UBE2D2: variants seen among roughly 807,000 people sequenced by gnomAD.
The protein encoded by UBE2D2 is ubiquitin conjugating enzyme E2 D2.
UBE2D2 carries 2 observed loss-of-function variants against 24.2 expected under a neutral mutation model. That is an observed-to-expected ratio of 0.08 (90% CI 0.03 to 0.26). The LOEUF (loss-of-function observed/expected upper bound fraction) is 0.26, where lower values mean the gene tolerates loss of function less well. Ranked by LOEUF, UBE2D2 falls within the 10% of genes least tolerant of loss-of-function variation. The pLI, the probability that UBE2D2 is intolerant of heterozygous loss-of-function variation, is 1.00. For missense variants in UBE2D2, 44 were observed against 177.6 expected, an observed-to-expected ratio of 0.25 and a Z score of 4.28; for synonymous variants, 58 against 56.5, an observed-to-expected ratio of 1.03 and a Z score of -0.12.
chr5:139,592,089 C>CT, intron 1 of UBE2D2, among the ~76,000 whole-genome samples: 1 of 152,206 alleles, frequency 6.6e-6, no homozygotes, highest in Middle Eastern at 3.4e-3. Flanking sequence ...GTAATCCCAG[C>CT]TACTCGGGAG....
intron 1 of UBE2D2, among the ~76,000 whole-genome samples, chr5:139,564,577 C>T (rs1309306812): frequency 1.1e-4 from 17 of 152,050 alleles, no homozygotes; most frequent in Admixed American, 2.0e-4. Context: ...CCTCAGCCTC[C>T]GGAGTAGCTG....
rs557156639 is a variant in UBE2D2 at position 139,592,905 on chromosome 5, ATTTCAGTAATCTTAAAAGAG to A, written c.25-7446_25-7427del. Among the ~76,000 whole-genome samples the A allele has an allele frequency of 9.3e-3, 1,373 of 147,100 alleles. 25 individuals are homozygous for A. The highest frequency in any genetic ancestry group is 0.033 in the African/African-American group (1,306 of 39,908). ...GGCATGAGCCACCACGCTTGGCTGC[ATTTCAGTAATCTTAAAAGAG>A]TTTCAGTAATCTTAAAAGAGGTTCA... On this transcript the variant is annotated intron_variant, in intron 1 of 6. Coordinates refer to ENST00000398733, the MANE Select transcript of UBE2D2 (RefSeq NM_003339.3).
At chr5:139,526,483 C>T (rs972041664) in exon 1 of UBE2D2, 2 of 152,336 alleles carry the variant, frequency 1.3e-5, no homozygotes, top group African/African-American at 4.8e-5. Context: ...AAAGAGCGCT[C>T]CCGGGTAGGA....
chr5:139,614,214 A>G (rs1279966699), intron 2 of UBE2D2, among the ~76,000 whole-genome samples: 4 of 152,188 alleles, frequency 2.6e-5, no homozygotes, highest in Non-Finnish European at 5.9e-5. Flanking sequence ...GTTTTAGCCC[A>G]AATACTTTCG....
chr5:139,625,303 C>T (rs1754596466), intron 6 of UBE2D2, among the ~76,000 whole-genome samples: 1 of 116,366 alleles, frequency 8.6e-6, no homozygotes, highest in Non-Finnish European at 1.7e-5. Flanking sequence ...TTTGTAGAGA[C>T]AGGATCTCAC....
intron 1 of UBE2D2, among the ~76,000 whole-genome samples, chr5:139,535,105 G>A (rs1192280840): frequency 6.6e-6 from 1 of 150,650 alleles, no homozygotes; most frequent in Admixed American, 6.7e-5. Context: ...TCATGCCACG[G>A]CGCTCCAGCC....
intron 1 of UBE2D2, among the ~76,000 whole-genome samples, chr5:139,540,853 G>A (rs578184258): frequency 1.5e-4 from 23 of 151,692 alleles, no homozygotes; most frequent in African/African-American, 5.6e-4. Flanking sequence ...AATTTGCTGG[G>A]CATGGTGGCA....
At chr5:139,618,012 T>G (rs927214569) in intron 5 of UBE2D2, among the ~76,000 whole-genome samples, 2 of 152,062 alleles carry the variant, frequency 1.3e-5, no homozygotes, top group Non-Finnish European at 2.9e-5. Flanking sequence ...TCACTTTTGT[T>G]GCCCAGGCTG....
intron 1 of UBE2D2, among the ~76,000 whole-genome samples, chr5:139,570,288 A>G (rs1056352584): frequency 2.0e-5 from 3 of 151,988 alleles, no homozygotes; most frequent in Admixed American, 1.3e-4. Context: ...CAACAACAAC[A>G]ACAAAACAAC....
At chr5:139,536,020 G>A (rs1384064240) in intron 1 of UBE2D2, among the ~76,000 whole-genome samples, 3 of 151,670 alleles carry the variant, frequency 2.0e-5, no homozygotes, top group Non-Finnish European at 4.4e-5. Context: ...AGCCTCCCAA[G>A]TATCTGGAAT....
intron 6 of UBE2D2, among the ~76,000 whole-genome samples, chr5:139,625,687 C>T (rs1754611135): frequency 6.6e-6 from 1 of 151,962 alleles, no homozygotes; most frequent in African/African-American, 2.4e-5. Flanking sequence ...TCACTGCAGC[C>T]TCTGCCTCCC....
At chr5:139,533,062 C>G (rs543842269) in intron 1 of UBE2D2, among the ~76,000 whole-genome samples, 1 of 150,240 alleles carries the variant, frequency 6.7e-6, no homozygotes, top group South Asian at 2.1e-4. Context: ...AAGCTGAGAT[C>G]GCGCCACTGG....
At chr5:139,568,711 G>T (rs1259858510) in intron 1 of UBE2D2, among the ~76,000 whole-genome samples, 1 of 152,092 alleles carries the variant, frequency 6.6e-6, no homozygotes, top group Non-Finnish European at 1.5e-5. Context: ...GGTGACTCAC[G>T]CCTGTAATCC....
chr5:139,553,410 A>G lies in UBE2D2; in HGVS notation c.-64+26798A>G, dbSNP rs187743602. 2.6e-4 allele frequency among the ~76,000 whole-genome samples: 40 copies of G among 152,318 alleles called. 1 individual carries two copies. The highest frequency in any genetic ancestry group is 9.1e-4 in the African/African-American group (38 of 41,578). On this transcript the variant is annotated intron_variant, in intron 1 of 6. Coordinates refer to the UBE2D2 transcript ENST00000511725. Reference sequence around the variant, plus strand: ...CCACAGCAGTCATCTGTCTATTTATATTAATGAGACTGTTGTCCTTATCAT... The same window carrying G: ...CCACAGCAGTCATCTGTCTATTTATGTTAATGAGACTGTTGTCCTTATCAT...
At chr5:139,609,192 C>T (rs1754261300) in intron 2 of UBE2D2, among the ~76,000 whole-genome samples, 1 of 152,102 alleles carries the variant, frequency 6.6e-6, no homozygotes. Flanking sequence ...TAGTGAAGAT[C>T]TTGAATTAGT....
At chr5:139,579,043 C>A (rs956639331) in intron 1 of UBE2D2, among the ~76,000 whole-genome samples, 1 of 152,230 alleles carries the variant, frequency 6.6e-6, no homozygotes, top group African/African-American at 2.4e-5. Context: ...TCTCAGCTCA[C>A]TGCAACCTCT....
chr5:139,527,004 C>T (rs775689636), intron 1 of UBE2D2, among the ~76,000 whole-genome samples: 3 of 151,736 alleles, frequency 2.0e-5, no homozygotes, highest in Admixed American at 6.6e-5. Context: ...TATTTTGTCT[C>T]GGAAGAAAAA....
chr5:139,593,570 G>A (rs994635639), intron 1 of UBE2D2, among the ~76,000 whole-genome samples: 2 of 151,898 alleles, frequency 1.3e-5, no homozygotes, highest in African/African-American at 4.8e-5. Flanking sequence ...AGGTATTGAT[G>A]TATGTAATAA....
Position 139,610,154 on chromosome 5 carries a change from A to C in UBE2D2, c.89-4432A>C, listed in dbSNP as rs181951949. On this transcript the variant is annotated intron_variant, in intron 2 of 6. Transcript: ENST00000398733. Reference sequence around the variant, plus strand: ...TACAGAGACAGACAACATTAAAAACATACTTGCATGTAGGGCAACTCAGAA... The same window carrying C: ...TACAGAGACAGACAACATTAAAAACCTACTTGCATGTAGGGCAACTCAGAA... Among the ~76,000 whole-genome samples the C allele has an allele frequency of 2.6e-4, 40 of 152,336 alleles. 1 individual carries two copies. The highest frequency in any genetic ancestry group is 9.1e-4 in the African/African-American group (38 of 41,586).
Sources: gnomAD v4.1 joint callset for allele counts (sites outside exome capture counted in the v4.1 genomes callset) on GRCh38, gnomAD v4.1.1 for gene constraint, MANE v1.5 for transcripts, NCBI Gene and HGNC (gene_info 2026-07-23, HGNC 2026-07-21) for gene names.